Variants in ZNF679 observed in about 807,000 individuals in gnomAD.
ZNF679 encodes hypothetical protein MGC42415.
ZNF679 carries 10 observed loss-of-function variants against 13.4 expected under a neutral mutation model. The observed-to-expected ratio is 0.75, with a 90% CI of 0.46 to 1.27. The LOEUF is 1.27. ZNF679 is among the 50% of genes most tolerant of loss of function. ZNF679 has a pLI of 0.00. For missense variants in ZNF679, 525 were observed against 477.8 expected (o/e 1.10, Z -0.92); for synonymous variants, 179 against 162.5 (o/e 1.10, Z -0.77).
At chr7:64,245,013 GACT>G (rs976684208) in intron 1 of ZNF679, among the ~76,000 whole-genome samples, 5 of 152,028 alleles carry the variant, frequency 3.3e-5, no homozygotes, top group African/African-American at 1.2e-4. Context: ...TTGTTTCAGG[GACT>G]TCTTCTTTCT....
At position 64,266,928 on chromosome 7, in the gene ZNF679, A is replaced by C; in HGVS notation, c.*59A>C. The C allele has an allele frequency of 6.9e-7, 1 of 1,449,740 alleles. No individual in the cohort carries two copies. The highest frequency in any genetic ancestry group is 1.5e-5 in the South Asian group (1 of 66,670). The allele number at this position is 1,449,740 out of a possible 1,614,324, so 89.8% of individuals were successfully genotyped here. ...CATAAAATAATTTATACTTGAAAAA[A>C]TCACTACAAGTGTAAAGAATGTGGC... On this transcript the variant is annotated 3_prime_UTR_variant, in exon 5 of 5. Transcript: ENST00000421025.
chr7:64,253,510 A>G (rs1340157461), intron 2 of ZNF679, among the ~76,000 whole-genome samples: 1 of 152,186 alleles, frequency 6.6e-6, no homozygotes, highest in Non-Finnish European at 1.5e-5. Context: ...TCAGAGTTAG[A>G]ATAGATGGGA....
chr7:64,263,881 A>T lies in ZNF679; in HGVS notation c.263-2015A>T, dbSNP rs186809350. Among the ~76,000 whole-genome samples the T allele has an allele frequency of 3.3e-5, 5 of 152,320 alleles. No homozygotes were observed. The East Asian group carries it at 9.6e-4, about 29-fold the overall frequency. ...TTCTATAGCAATGCAAAATGAATTC[A>T]TACACTATATAATGTTTTTCAGGTT... On this transcript the variant is annotated intron_variant, in intron 4 of 4. Transcript: ENST00000421025.
intron 1 of ZNF679, among the ~76,000 whole-genome samples, chr7:64,244,903 C>A (rs1215447034): frequency 6.6e-6 from 1 of 152,216 alleles, no homozygotes; most frequent in Non-Finnish European, 1.5e-5. Context: ...TTTCTATATG[C>A]TGGATGGTAG....
At chr7:64,256,246 A>T (rs1197540647) in intron 2 of ZNF679, among the ~76,000 whole-genome samples, 3 of 152,180 alleles carry the variant, frequency 2.0e-5, no homozygotes. Context: ...AAAGGACATG[A>T]TGTTTTCCTT....
intron 1 of ZNF679, among the ~76,000 whole-genome samples, chr7:64,232,237 C>A (rs1033747183): frequency 6.6e-6 from 1 of 152,174 alleles, no homozygotes; most frequent in African/African-American, 2.4e-5. Context: ...GGGTGAAAAT[C>A]TTAATTGTTG....
intron 2 of ZNF679, among the ~76,000 whole-genome samples, chr7:64,258,110 GAT>G (rs869152785): frequency 7.5e-6 from 1 of 134,162 alleles, no homozygotes; most frequent in South Asian, 2.6e-4. Flanking sequence ...GCTGGAGTCT[GAT>G]AGGGGAGGGC....
chr7:64,261,860 C>CT (rs57119054), intron 4 of ZNF679, among the ~76,000 whole-genome samples: 46,449 of 137,222 alleles, frequency 0.34, 8,274 homozygotes, highest in East Asian at 0.64. Context: ...TTCTTTCTTT[C>CT]TTTTTTTTTT....
intron 4 of ZNF679, among the ~76,000 whole-genome samples, chr7:64,264,727 TG>T (rs1396920680): frequency 1.3e-5 from 2 of 152,124 alleles, no homozygotes; most frequent in Non-Finnish European, 2.9e-5. Flanking sequence ...TGTTGTCAAA[TG>T]TGTCAGAGGA....
intron 2 of ZNF679, among the ~76,000 whole-genome samples, chr7:64,252,089 T>A (rs1787951134): frequency 6.6e-6 from 1 of 152,184 alleles, no homozygotes; most frequent in Non-Finnish European, 1.5e-5. Context: ...TGCAAGAATC[T>A]CAAAGTAATT....
intron 1 of ZNF679, among the ~76,000 whole-genome samples, chr7:64,237,878 C>T (rs958654479): frequency 6.6e-6 from 1 of 151,788 alleles, no homozygotes; most frequent in Non-Finnish European, 1.5e-5. Flanking sequence ...TCAGAAAATG[C>T]CAATTGGAAA....
rs1788158978 is a variant in ZNF679, at chr7:64,266,725, C to T, written c.1092C>T (p.Ser364=). 3.1e-6 allele frequency: 5 copies of T among 1,612,160 alleles called. No individual in the cohort carries two copies. Among genetic ancestry groups the T allele is most frequent in the South Asian group, 1.1e-5 (1 of 90,874 alleles). The change falls in exon 5 of 5, where the codon TCC becomes TCT. Residue 364 remains serine, a synonymous_variant. Coordinates refer to ENST00000421025, the MANE Select transcript of ZNF679 (RefSeq NM_153363.3). Reference sequence around the variant, plus strand: ...AATGTGGGAAAGCCTTTGCCTTCTCCTCAACTCTTAATACTCATAAGAGGA... The same window carrying T: ...AATGTGGGAAAGCCTTTGCCTTCTCTTCAACTCTTAATACTCATAAGAGGA... ...CKECGKAFAF[S]STLNTHKRIH... is the part of the protein sequence containing the mutation.
At chr7:64,248,958 C>A in intron 1 of ZNF679, 70 bp from the exon 2 acceptor site, 1 of 1,033,404 alleles carries the variant, frequency 9.7e-7, no homozygotes, top group Non-Finnish European at 1.4e-6. Flanking sequence ...ACTGTACAAT[C>A]AGGCATGCAG....
intron 2 of ZNF679, among the ~76,000 whole-genome samples, chr7:64,251,935 A>T (rs572472624): frequency 2.4e-4 from 37 of 152,314 alleles, no homozygotes; most frequent in Middle Eastern, 3.4e-3. Flanking sequence ...CTTCCATTTC[A>T]TGGAGACACA....
chr7:64,256,939 G>A (rs924051939), intron 2 of ZNF679, among the ~76,000 whole-genome samples: 4 of 151,926 alleles, frequency 2.6e-5, no homozygotes, highest in Non-Finnish European at 5.9e-5. Context: ...ATCATGATCC[G>A]CCCGTCTTGG....
chr7:64,248,986 C>T, intron 1 of ZNF679, 42 bp from the exon 2 acceptor site: 1 of 1,308,010 alleles, frequency 7.6e-7, no homozygotes, highest in Admixed American at 2.0e-5. Context: ...GAACAGGATG[C>T]CTCCGTAATT....
Position 64,266,487 on chromosome 7 carries a change from A to T in ZNF679, c.854A>T (p.Asn285Ile). The T allele has an allele frequency of 6.2e-7, 1 of 1,613,216 alleles. No individual in the cohort carries two copies. The highest frequency in any genetic ancestry group is 8.5e-7 in the Non-Finnish European group (1 of 1,179,686). ...QAFSRSSTLA[N>I]HKRIHTGEKP... is the part of the protein sequence containing the mutation. ...TTTAGCCGCTCCTCAACACTTGCTA[A>T]CCACAAGAGAATTCATACTGGAGAG... is the stretch of plus-strand genomic sequence containing the variant. The change falls in exon 5 of 5, where the codon AAC (asparagine) becomes ATC (isoleucine). Residue 285 changes from asparagine to isoleucine, a missense_variant. Physicochemically the swap from Asn to Ile is moderately radical, Grantham distance 149 (BLOSUM62 -3). Transcript: ENST00000421025.
intron 4 of ZNF679, among the ~76,000 whole-genome samples, chr7:64,263,044 AG>A (rs1296453439): frequency 7.7e-6 from 1 of 129,842 alleles, no homozygotes; most frequent in Non-Finnish European, 1.7e-5. Flanking sequence ...TTTTCTTTTT[AG>A]TTTTATCAGT....
intron 1 of ZNF679, among the ~76,000 whole-genome samples, chr7:64,235,736 C>T (rs1484162187): frequency 6.6e-6 from 1 of 151,390 alleles, no homozygotes; most frequent in Admixed American, 6.6e-5. Context: ...TTGCCATGAG[C>T]CGAGATCATG....
Sources: allele counts gnomAD v4.1 joint callset (sites outside exome capture counted in the v4.1 genomes callset), GRCh38; gene constraint gnomAD v4.1.1; transcripts MANE v1.5; gene names NCBI Gene and HGNC (gene_info 2026-07-23, HGNC 2026-07-21).